The following SYNPR variants were observed in gnomAD, a reference collection of about 807,000 sequenced individuals.
SYNPR encodes the protein synaptoporin.
SYNPR carries 23 observed loss-of-function variants against 32.9 expected under a neutral mutation model. The ratio of observed to expected loss-of-function variants is 0.70; its 90% CI spans 0.50 to 0.99. The LOEUF (loss-of-function observed/expected upper bound fraction) is 0.99. SYNPR is among the 50% of genes least tolerant of loss of function. The pLI, the probability that SYNPR is intolerant of heterozygous loss-of-function variation, is 0.00. For synonymous variants in SYNPR, 146 were observed against 135.9 expected (o/e 1.07, Z -0.52); for missense variants, 318 against 349.3 (o/e 0.91, Z 0.71).
At chr3:63,427,907 T>A (rs928658654) in intron 2 of SYNPR, among the ~76,000 whole-genome samples, 3 of 152,256 alleles carry the variant, frequency 2.0e-5, no homozygotes, top group African/African-American at 7.2e-5. Context: ...AAGCCAAGTG[T>A]ACTGTGGCAG....
rs1702847369 is a variant in SYNPR, at chr3:63,569,395, T to C, written c.408+12654T>C. On this transcript the variant is annotated intron_variant, in intron 4 of 5. Transcript: ENST00000478300. ...AGTGAAAATTTTGAATTCCAACTTT[T>C]GACTACACCCCAGGCCCTGAAATCT... is the stretch of plus-strand genomic sequence containing the variant. Among the ~76,000 whole-genome samples, 2 of 152,294 alleles carry C rather than the reference T, an allele frequency of 1.3e-5. 1 individual carries two copies. Among genetic ancestry groups the C allele is most frequent in the South Asian group, 4.1e-4 (2 of 4,820 alleles).
At chr3:63,352,571 G>A (rs997149847) in intron 2 of SYNPR, among the ~76,000 whole-genome samples, 15 of 152,144 alleles carry the variant, frequency 9.9e-5, no homozygotes, top group Non-Finnish European at 1.5e-4. Flanking sequence ...GAAAAAAGGG[G>A]ACATTGATGA....
intron 3 of SYNPR, among the ~76,000 whole-genome samples, chr3:63,525,028 C>G (rs1701986856): frequency 6.6e-6 from 1 of 151,960 alleles, no homozygotes; most frequent in Non-Finnish European, 1.5e-5. Context: ...GTGACCATAG[C>G]TAGATTCAGA....
chr3:63,525,171 T>C (rs906567425), intron 3 of SYNPR, among the ~76,000 whole-genome samples: 8 of 152,280 alleles, frequency 5.3e-5, no homozygotes, highest in African/African-American at 1.9e-4. Context: ...TGCCCATCCA[T>C]GTATGTATAT....
chr3:63,473,523 G>A (rs1399799290), intron 2 of SYNPR, among the ~76,000 whole-genome samples: 1 of 152,176 alleles, frequency 6.6e-6, no homozygotes, highest in Non-Finnish European at 1.5e-5. Flanking sequence ...CCTTTTCTTA[G>A]GGAAGTGGTA....
intron 3 of SYNPR, among the ~76,000 whole-genome samples, chr3:63,542,268 T>G (rs557711594): frequency 6.6e-6 from 1 of 152,218 alleles, no homozygotes; most frequent in South Asian, 2.1e-4. Flanking sequence ...AACATGATAA[T>G]TGATCAGATC....
chr3:63,411,962 T>C (rs540147301), intron 2 of SYNPR, among the ~76,000 whole-genome samples: 69 of 152,128 alleles, frequency 4.5e-4, no homozygotes, highest in African/African-American at 1.6e-3. Context: ...ATGGAATGAA[T>C]TCAAAAAGTT....
At chr3:63,593,484 G>T (rs1699878115) in intron 4 of SYNPR, among the ~76,000 whole-genome samples, 1 of 151,960 alleles carries the variant, frequency 6.6e-6, no homozygotes, top group Non-Finnish European at 1.5e-5. Flanking sequence ...GAGATGCAGG[G>T]GATCTAAAAA....
chr3:63,276,280 A>G (rs765235761), upstream of SYNPR, among the ~76,000 whole-genome samples: 2 of 152,180 alleles, frequency 1.3e-5, no homozygotes, highest in Non-Finnish European at 2.9e-5. Context: ...CCAAAAGGGC[A>G]AGGATATATA....
chr3:63,524,245 A>G (rs564857900), intron 3 of SYNPR, among the ~76,000 whole-genome samples: 5 of 152,338 alleles, frequency 3.3e-5, no homozygotes, highest in South Asian at 4.1e-4. Flanking sequence ...TATCACCGAA[A>G]AAAATCATCT....
At chr3:63,499,922 A>C (rs535996308) in intron 3 of SYNPR, among the ~76,000 whole-genome samples, 8 of 148,608 alleles carry the variant, frequency 5.4e-5, no homozygotes, top group African/African-American at 1.8e-4. Context: ...CACACACACA[A>C]AAACTGTTTT....
intron 3 of SYNPR, among the ~76,000 whole-genome samples, chr3:63,271,682 T>A (rs1322127698): frequency 2.6e-5 from 4 of 152,078 alleles, no homozygotes; most frequent in Non-Finnish European, 5.9e-5. Context: ...AAAGCAAAAC[T>A]CATTTTAAGA....
At chr3:63,518,664 A>G (rs1701844900) in intron 3 of SYNPR, among the ~76,000 whole-genome samples, 1 of 152,136 alleles carries the variant, frequency 6.6e-6, no homozygotes, top group South Asian at 2.1e-4. Flanking sequence ...CAGAGAACAC[A>G]TACTGACTGC....
At chr3:63,582,704 A>G (rs1703112413) in intron 4 of SYNPR, among the ~76,000 whole-genome samples, 1 of 152,118 alleles carries the variant, frequency 6.6e-6, no homozygotes, top group African/African-American at 2.4e-5. Context: ...CAGTCACAGT[A>G]AGGCATAATC....
In SYNPR at chr3:63,615,423, C is replaced by G. The variant is rs1156836320; in HGVS notation, c.800C>G (p.Thr267Ser). 7 of 1,613,788 alleles carry G rather than the reference C, an allele frequency of 4.3e-6. No homozygotes were observed. Among genetic ancestry groups the G allele is most frequent in the Non-Finnish European group, 5.9e-6 (7 of 1,179,878 alleles). Reference protein sequence around the residue: ...GYSQQASLGPTSDEFGQQPTG... With the variant: ...GYSQQASLGPSSDEFGQQPTG... ...AGTCAGCAGGCGAGTTTGGGGCCAA[C>G]CTCAGATGAGTTTGGCCAACAGCCT... The change falls in exon 6 of 6, where the codon ACC becomes AGC. Residue 267 changes from threonine (T) to serine (S), a missense_variant. Transcript: ENST00000478300.
chr3:63,407,865 G>C (rs1217460797), intron 2 of SYNPR, among the ~76,000 whole-genome samples: 5 of 151,974 alleles, frequency 3.3e-5, no homozygotes, highest in African/African-American at 1.2e-4. Flanking sequence ...GATATCAACT[G>C]CCTGTCTTCT....
intron 2 of SYNPR, among the ~76,000 whole-genome samples, chr3:63,432,611 G>T (rs966997965): frequency 3.3e-5 from 5 of 152,174 alleles, no homozygotes; most frequent in African/African-American, 1.2e-4. Context: ...CCCTCCTCTT[G>T]TTCTGGTGTG....
At chr3:63,443,250 A>C in intron 2 of SYNPR, 1 of 1,423,702 alleles carries the variant, frequency 7.0e-7, no homozygotes, top group Non-Finnish European at 9.2e-7. Flanking sequence ...ATCTCTCTGC[A>C]AATGAGGCTG....
At chr3:63,415,162 C>T (rs1575632521) in intron 2 of SYNPR, among the ~76,000 whole-genome samples, 1 of 152,272 alleles carries the variant, frequency 6.6e-6, no homozygotes, top group Non-Finnish European at 1.5e-5. Flanking sequence ...TCTTGCAGTT[C>T]TTTATGCATA....
Sources: gnomAD v4.1 joint callset for allele counts (sites outside exome capture counted in the v4.1 genomes callset) on GRCh38, gnomAD v4.1.1 for gene constraint, MANE v1.5 for transcripts, NCBI Gene and HGNC (gene_info 2026-07-23, HGNC 2026-07-21) for gene names.